The following PTK2 variants were observed in gnomAD, a reference collection of about 807,000 sequenced individuals.
PTK2 encodes protein tyrosine kinase 2.
A neutral mutation model predicts 150.1 loss-of-function variants in PTK2; 45 were observed. The ratio of observed to expected loss-of-function variants is 0.30; its 90% CI spans 0.24 to 0.38. The LOEUF (loss-of-function observed/expected upper bound fraction) is 0.38, where lower values mean the gene tolerates loss of function less well. PTK2 is among the 10% of genes least tolerant of loss of function. The pLI, the probability that PTK2 is intolerant of heterozygous loss-of-function variation, is 1.00. For missense variants in PTK2, 919 were observed against 1,307.3 expected (o/e 0.70, Z 4.58); for synonymous variants, 432 against 449.2 (o/e 0.96, Z 0.48).
intron 27 of PTK2, among the ~76,000 whole-genome samples, chr8:140,683,291 G>T (rs760064834): frequency 2.6e-5 from 4 of 152,094 alleles, no homozygotes; most frequent in Non-Finnish European, 5.9e-5. Flanking sequence ...ACATTCCCAA[G>T]ACTGAGCCAG....
In PTK2 at chr8:140,702,720, A is replaced by G. The variant is rs755712769; in HGVS notation, c.2230-13T>C. The G allele has an allele frequency of 9.9e-6, 16 of 1,612,472 alleles. No individual in the cohort carries two copies. The South Asian group carries it at 1.6e-4, about 17-fold the overall frequency. ...GGTAGCCAGAAACCTGTGAATGAGT[A>G]AGGAGGCAAGGTAATGTTCAACTAT... On this transcript the variant is annotated splice_polypyrimidine_tract_variant and intron_variant, in intron 24 of 31. Coordinates refer to ENST00000522684, the Ensembl canonical transcript of PTK2.
intron 26 of PTK2, among the ~76,000 whole-genome samples, chr8:140,700,451 C>T (rs1354163660): frequency 1.3e-5 from 2 of 151,492 alleles, no homozygotes; most frequent in African/African-American, 4.8e-5. Flanking sequence ...GGATTTTAGG[C>T]ATTAACCACC....
intron 2 of PTK2, among the ~76,000 whole-genome samples, chr8:140,898,655 C>CA (rs2100157263): frequency 6.6e-6 from 1 of 151,880 alleles, no homozygotes; most frequent in African/African-American, 2.4e-5. Flanking sequence ...GCAGCACATA[C>CA]AAAAAAGGGA....
chr8:140,950,313 T>C (rs1586876447), intron 1 of PTK2, among the ~76,000 whole-genome samples: 1 of 152,222 alleles, frequency 6.6e-6, no homozygotes. Context: ...CTTTGGGGCT[T>C]TGCAGTTCCT....
chr8:140,911,593 T>TA (rs1568703117), intron 2 of PTK2, among the ~76,000 whole-genome samples: 1 of 152,170 alleles, frequency 6.6e-6, no homozygotes, highest in African/African-American at 2.4e-5. Flanking sequence ...AAAATACACA[T>TA]ACATACATAT....
At chr8:140,756,268 A>C (rs2100065631) in intron 16 of PTK2, among the ~76,000 whole-genome samples, 1 of 144,760 alleles carries the variant, frequency 6.9e-6, no homozygotes, top group African/African-American at 2.6e-5. Context: ...GGTTGCAGTG[A>C]TTGGAGATCA....
intron 22 of PTK2, among the ~76,000 whole-genome samples, chr8:140,720,504 T>A (rs547621931): frequency 6.6e-6 from 1 of 152,078 alleles, no homozygotes; most frequent in Non-Finnish European, 1.5e-5. Flanking sequence ...AATTCTACCA[T>A]AGACAGGTTA....
At chr8:140,900,386 T>C (rs2100157954) in intron 2 of PTK2, among the ~76,000 whole-genome samples, 1 of 152,060 alleles carries the variant, frequency 6.6e-6, no homozygotes, top group South Asian at 2.1e-4. Context: ...ACCAAAGAAG[T>C]AAATGATCAA....
chr8:140,773,837 G>A (rs965510966), intron 14 of PTK2, among the ~76,000 whole-genome samples: 6 of 152,108 alleles, frequency 3.9e-5, no homozygotes, highest in Non-Finnish European at 8.8e-5. Flanking sequence ...GAAGATAATG[G>A]GTAAGGCCAC....
intron 2 of PTK2, among the ~76,000 whole-genome samples, chr8:140,917,561 G>A (rs73714785): frequency 0.022 from 3,361 of 152,180 alleles, 134 homozygotes; most frequent in African/African-American, 0.078. Context: ...AGTTTGACAT[G>A]GAAGATTTAT....
chr8:140,775,883 C>T (rs1419161376), intron 14 of PTK2, among the ~76,000 whole-genome samples: 4 of 152,196 alleles, frequency 2.6e-5, no homozygotes, highest in Non-Finnish European at 4.4e-5. Flanking sequence ...GAGAAATTTA[C>T]ACCTATAAAG....
intron 31 of PTK2, among the ~76,000 whole-genome samples, chr8:140,663,283 G>C (rs1212761854): frequency 1.3e-5 from 2 of 152,192 alleles, no homozygotes; most frequent in Non-Finnish European, 2.9e-5. Context: ...ATGTTAAAAG[G>C]CTGTGAAACT....
chr8:140,921,341 G>GTT, intron 2 of PTK2: 1 of 179,024 alleles, frequency 5.6e-6, no homozygotes, highest in Non-Finnish European at 1.2e-5. Flanking sequence ...GCAGTCTTCT[G>GTT]TTTACAAAAC....
intron 1 of PTK2, among the ~76,000 whole-genome samples, chr8:140,989,225 A>T (rs1339395626): frequency 1.3e-5 from 2 of 149,942 alleles, no homozygotes; most frequent in Admixed American, 6.6e-5. Context: ...AAAAAAAAAA[A>T]AAAAAAAAAA....
chr8:140,786,661 C>G (rs777797985), intron 14 of PTK2, among the ~76,000 whole-genome samples: 1 of 151,880 alleles, frequency 6.6e-6, no homozygotes, highest in African/African-American at 2.4e-5. Flanking sequence ...AAGAAATATA[C>G]CACACTTGTT....
intron 7 of PTK2, among the ~76,000 whole-genome samples, chr8:140,844,279 C>T (rs1315709070): frequency 2.0e-5 from 3 of 152,122 alleles, no homozygotes; most frequent in African/African-American, 7.2e-5. Flanking sequence ...TACTTTTTCC[C>T]CACACTTCCT....
At chr8:140,957,212 T>C (rs182727095) in intron 1 of PTK2, among the ~76,000 whole-genome samples, 118 of 152,212 alleles carry the variant, frequency 7.8e-4, no homozygotes, top group African/African-American at 2.7e-3. Flanking sequence ...GGCAGATGGA[T>C]TGCTTGAGTC....
chr8:140,834,135 A>G (rs1196302603), intron 7 of PTK2, among the ~76,000 whole-genome samples: 1 of 152,204 alleles, frequency 6.6e-6, no homozygotes, highest in Non-Finnish European at 1.5e-5. Flanking sequence ...GAAAGCTGCA[A>G]TGGGTGGGGC....
chr8:140,848,592 C>T lies in PTK2; in HGVS notation c.451-1914G>A, dbSNP rs546492294. On this transcript the variant is annotated intron_variant, in intron 5 of 31. Coordinates refer to ENST00000522684, the Ensembl canonical transcript of PTK2. ...AAGCAGGCACTCAAGACTGACCAAC[C>T]GGAACTGAATTAATTCATTCAGTTA... 2.6e-5 allele frequency among the ~76,000 whole-genome samples: 4 copies of T among 152,212 alleles called. No homozygotes were observed. The East Asian group carries it at 7.7e-4, about 29-fold the overall frequency.
Sources: allele counts gnomAD v4.1 joint callset (sites outside exome capture counted in the v4.1 genomes callset), GRCh38; gene constraint gnomAD v4.1.1; transcripts MANE v1.5; gene names NCBI Gene and HGNC (gene_info 2026-07-23, HGNC 2026-07-21).